AGAP1: variants seen among roughly 807,000 people sequenced by gnomAD.
AGAP1 encodes ArfGAP with GTPase domain, ankyrin repeat and PH domain 1.
A neutral mutation model predicts 105.3 loss-of-function variants in AGAP1; 29 were observed. The observed-to-expected ratio is 0.28, with a 90% CI of 0.21 to 0.38. AGAP1 has a LOEUF of 0.38. Ranked by LOEUF, AGAP1 falls within the 10% of genes least tolerant of loss-of-function variation. AGAP1 has a pLI of 1.00. For synonymous variants in AGAP1, 509 were observed against 485.9 expected (o/e 1.05, Z -0.63); for missense variants, 998 against 1,165.1 (o/e 0.86, Z 2.09).
At chr2:235,807,455 CT>C in intron 9 of AGAP1, 124 bp downstream of exon 9, 2 of 754,266 alleles carry the variant, frequency 2.7e-6, no homozygotes, top group Non-Finnish European at 4.1e-6. Context: ...GTAGAAGTCT[CT>C]CACTTGACAT....
chr2:235,935,957 G>C (rs1205863488), intron 12 of AGAP1, among the ~76,000 whole-genome samples: 1 of 152,172 alleles, frequency 6.6e-6, no homozygotes, highest in East Asian at 1.9e-4. Context: ...TGCCTCCTGA[G>C]TACCTGGGTG....
chr2:235,852,401 G>C (rs1306991251), intron 9 of AGAP1, among the ~76,000 whole-genome samples: 3 of 151,776 alleles, frequency 2.0e-5, no homozygotes, highest in East Asian at 1.9e-4. Context: ...GGGGTGGAAA[G>C]GGGGGGGAAC....
rs752808919 is a variant in AGAP1, at chr2:235,664,245, A to T, written c.164-44934A>T. Among the ~76,000 whole-genome samples, 4 of 151,236 alleles carry T rather than the reference A, an allele frequency of 2.6e-5. No homozygotes were observed. The highest frequency in any genetic ancestry group is 5.9e-5 in the Non-Finnish European group (4 of 67,888). On this transcript the variant is annotated intron_variant, in intron 1 of 17. Transcript: ENST00000304032. The surrounding 1 kb of genome is among the most constrained non-coding windows in gnomAD (Gnocchi z 5.7). Reference sequence around the variant, plus strand: ...TTTTTTTTCGAGACGGAGTTTCACTATTGTTGCCCAGGCTAGAGTGCAGTG... The same window carrying T: ...TTTTTTTTCGAGACGGAGTTTCACTTTTGTTGCCCAGGCTAGAGTGCAGTG...
chr2:235,802,673 G>GTGA lies in AGAP1; in HGVS notation c.957+3157_957+3159dup, dbSNP rs1281631035. On this transcript the variant is annotated intron_variant, in intron 8 of 17. Coordinates refer to ENST00000304032, the MANE Select transcript of AGAP1 (RefSeq NM_001037131.3). ...GGTGATGATGATGGTTGTGGTTGTG[G>GTGA]TGATGATGGTTGTGGTGGTGATGAT... is the stretch of plus-strand genomic sequence containing the variant. Among the ~76,000 whole-genome samples, 379 of 150,008 alleles carry GTGA rather than the reference G, an allele frequency of 2.5e-3. 1 individual carries two copies. The highest frequency in any genetic ancestry group is 9.3e-3 in the African/African-American group (368 of 39,708).
At position 235,958,669 on chromosome 2, in the gene AGAP1, C is replaced by T. The variant is rs530502983; in HGVS notation, c.1484-9793C>T. Among the ~76,000 whole-genome samples the T allele has an allele frequency of 2.0e-5, 3 of 152,242 alleles. No homozygotes were observed. The highest frequency in any genetic ancestry group is 1.9e-4 in the East Asian group (1 of 5,158). ...TCTTGTCAGCAGAGATAAGTTGTCA[C>T]GTTTTCCACTTGAGCTGAAACTAAA... is the stretch of plus-strand genomic sequence containing the variant. On this transcript the variant is annotated intron_variant, in intron 12 of 17. Transcript: ENST00000304032. This position sits in a 1 kb window ranked among gnomAD's most constrained non-coding sequence, Gnocchi z 4.1.
rs1411864187 is a variant in AGAP1 at position 236,092,391 on chromosome 2, T to C, written c.2115-27801T>C. ...TCTCTGTATTATTTCTTTTTCTTTT[T>C]TGTTTGTTTTGTTTTGTTTGTGACA... is the stretch of plus-strand genomic sequence containing the variant. On this transcript the variant is annotated intron_variant, in intron 16 of 17. Transcript: ENST00000304032. The surrounding 1 kb of genome is among the most constrained non-coding windows in gnomAD (Gnocchi z 4.7). Among the ~76,000 whole-genome samples, 1 of 152,108 alleles carries C rather than the reference T, an allele frequency of 6.6e-6. No homozygotes were observed. The highest frequency in any genetic ancestry group is 6.6e-5 in the Admixed American group (1 of 15,266).
At chr2:235,985,805 C>G (rs914016549) in intron 13 of AGAP1, among the ~76,000 whole-genome samples, 1 of 152,144 alleles carries the variant, frequency 6.6e-6, no homozygotes, top group African/African-American at 2.4e-5. Flanking sequence ...TTTCTGAGGT[C>G]TCTGTTCTGC....
At chr2:235,591,844 G>T (rs1159689750) in intron 1 of AGAP1, among the ~76,000 whole-genome samples, 1 of 149,426 alleles carries the variant, frequency 6.7e-6, no homozygotes, top group East Asian at 2.0e-4. Flanking sequence ...AAAAGAGCCT[G>T]CCCCCACCCC....
rs114529884 is a variant in AGAP1, at chr2:235,917,187, C to T, written c.1324+8281C>T. ...ACATCCCCCCCTTCCCTACTTGAGG[C>T]CCCCAGCGGTTTCGAAATATTAAAG... On this transcript the variant is annotated intron_variant, in intron 11 of 17. Coordinates refer to ENST00000304032, the MANE Select transcript of AGAP1 (RefSeq NM_001037131.3). Among the ~76,000 whole-genome samples the T allele has an allele frequency of 3.8e-3, 585 of 152,102 alleles. 2 individuals carry two copies. Among genetic ancestry groups the T allele is most frequent in the Non-Finnish European group, 6.0e-3 (407 of 67,986 alleles).
At chr2:235,815,162 A>G (rs1458493197) in intron 9 of AGAP1, among the ~76,000 whole-genome samples, 1 of 152,148 alleles carries the variant, frequency 6.6e-6, no homozygotes, top group Non-Finnish European at 1.5e-5. Flanking sequence ...GGGCGTGCCC[A>G]GCAGCCCCAC....
chr2:235,638,074 G>T (rs936171985), intron 1 of AGAP1, among the ~76,000 whole-genome samples: 1 of 152,130 alleles, frequency 6.6e-6, no homozygotes, highest in Non-Finnish European at 1.5e-5. Context: ...TATCTTACCG[G>T]CTGTTGGGGC....
At chr2:236,054,836 G>T (rs2058007530) in intron 16 of AGAP1, among the ~76,000 whole-genome samples, 1 of 152,132 alleles carries the variant, frequency 6.6e-6, no homozygotes, top group African/African-American at 2.4e-5. Flanking sequence ...GAGCATGGCG[G>T]ATTGATGCCC....
intron 11 of AGAP1, among the ~76,000 whole-genome samples, chr2:235,926,249 G>A (rs572569747): frequency 1.3e-5 from 2 of 152,354 alleles, no homozygotes; most frequent in East Asian, 1.9e-4. Flanking sequence ...GATATGGAAT[G>A]TGCATGATTA....
At chr2:235,922,714 A>G (rs1370382416) in intron 11 of AGAP1, among the ~76,000 whole-genome samples, 1 of 152,246 alleles carries the variant, frequency 6.6e-6, no homozygotes, top group Non-Finnish European at 1.5e-5. Context: ...CATTTGGTGG[A>G]TGAAAACATT....
intron 1 of AGAP1, among the ~76,000 whole-genome samples, chr2:235,666,650 TC>T (rs1274895745): frequency 6.6e-6 from 1 of 150,892 alleles, no homozygotes; most frequent in Admixed American, 6.6e-5. Context: ...AATGGATTCT[TC>T]TACTCCGCAG....
At chr2:235,643,431 C>CAAA (rs56146940) in intron 1 of AGAP1, among the ~76,000 whole-genome samples, 74 of 61,404 alleles carry the variant, frequency 1.2e-3, no homozygotes, top group Middle Eastern at 0.02. Flanking sequence ...GACTGGGTCT[C>CAAA]AAAAAAAAAA....
chr2:235,919,969 TC>T lies in AGAP1; in HGVS notation c.1325-10794del, dbSNP rs2052096913. Among the ~76,000 whole-genome samples the T allele has an allele frequency of 6.6e-6, 1 of 152,184 alleles. No homozygotes were observed. The highest frequency in any genetic ancestry group is 1.5e-5 in the Non-Finnish European group (1 of 68,040). ...TGTCGGAATCTGGAGCAGCACGTGT[TC>T]CTTCAGCAGATAAAAATGGCAAAAT... On this transcript the variant is annotated intron_variant, in intron 11 of 17. Coordinates refer to ENST00000304032, the MANE Select transcript of AGAP1 (RefSeq NM_001037131.3). The surrounding 1 kb of genome is among the most constrained non-coding windows in gnomAD (Gnocchi z 4.1).
intron 1 of AGAP1, among the ~76,000 whole-genome samples, chr2:235,554,978 T>G (rs1049827628): frequency 6.6e-6 from 1 of 152,102 alleles, no homozygotes; most frequent in Non-Finnish European, 1.5e-5. Flanking sequence ...CCAGAATTGT[T>G]TCTTGAGTTT....
intron 1 of AGAP1, among the ~76,000 whole-genome samples, chr2:235,673,701 G>T (rs1403310063): frequency 6.6e-6 from 1 of 152,130 alleles, no homozygotes; most frequent in Admixed American, 6.5e-5. Flanking sequence ...GACCTGCAAC[G>T]TGATAAGCAT....
Sources: gnomAD v4.1 joint callset for allele counts (sites outside exome capture counted in the v4.1 genomes callset) on GRCh38, gnomAD v4.1.1 for gene constraint, Gnocchi (gnomAD v3.1) non-coding constraint, MANE v1.5 for transcripts, NCBI Gene and HGNC (gene_info 2026-07-23, HGNC 2026-07-21) for gene names.